PTPRJ: variants seen among roughly 807,000 people sequenced by gnomAD.
The protein encoded by PTPRJ is protein tyrosine phosphatase receptor type J, also known as receptor-type tyrosine-protein phosphatase eta.
Under a neutral mutation model 141.3 loss-of-function variants are expected in PTPRJ, and 129 were observed. The ratio of observed to expected loss-of-function variants is 0.91; its 90% CI spans 0.79 to 1.06. The LOEUF (loss-of-function observed/expected upper bound fraction) is 1.06. Ranked by LOEUF, PTPRJ falls within the 50% of genes least tolerant of loss-of-function variation. The pLI is 0.00. For synonymous variants in PTPRJ, 610 were observed against 640.5 expected (o/e 0.95, Z 0.72); for missense variants, 1,601 against 1,679.7 (o/e 0.95, Z 0.82).
At position 48,033,067 on chromosome 11, in the gene PTPRJ, A is replaced by C. The variant is rs577288022; in HGVS notation, c.96+52059A>C. 6.6e-5 allele frequency among the ~76,000 whole-genome samples: 10 copies of C among 152,184 alleles called. No individual in the cohort carries two copies. In the East Asian group the frequency reaches 1.5e-3, roughly 24 times the overall value. On this transcript the variant is annotated intron_variant, in intron 1 of 24. Coordinates refer to ENST00000418331, the MANE Select transcript of PTPRJ (RefSeq NM_002843.4). ...ACTCCGTCTCTATTAAAAAAAAAAA[A>C]ACAAGTCTAACATCAGGTAGACTTC...
chr11:48,127,909 A>T lies in PTPRJ; in HGVS notation c.1223A>T (p.Asp408Val). Residue 408 changes from aspartate to valine, a missense_variant, in exon 7 of 25, where the codon GAT becomes GTT. Transcript: ENST00000418331. ...TYKIHVAGET[D>V]SSNLNVSEPR... Reference sequence around the variant, plus strand: ...AAGATACATGTGGCGGGGGAGACAGATTCTTCCAATCTCAACGTCAGTGAG... The same window carrying T: ...AAGATACATGTGGCGGGGGAGACAGTTTCTTCCAATCTCAACGTCAGTGAG... 6.2e-7 allele frequency: 1 copy of T among 1,614,192 alleles called. No individual in the cohort carries two copies.
At position 48,123,776 on chromosome 11, in the gene PTPRJ, G is replaced by T. The variant is rs542341972; in HGVS notation, c.780G>T (p.Ser260=). ...ACTCAAGACTTCAGGTCAATATCTC[G>T]GGCCTGAAGCCAGGGGTTCAATACA... The part of the protein sequence containing the change: ...TQDSRLQVNI[S]GLKPGVQYNI... Residue 260 remains serine (S), a synonymous_variant, in exon 5 of 25, where the codon TCG becomes TCT. Transcript: ENST00000418331. 2 of 1,613,930 alleles carry T rather than the reference G, an allele frequency of 1.2e-6. No homozygotes were observed. Among genetic ancestry groups the T allele is most frequent in the African/African-American group, 1.3e-5 (1 of 74,880 alleles).
intron 1 of PTPRJ, 77 bp from the exon 2 acceptor site, chr11:48,109,981 T>G (rs1350174636): frequency 2.1e-5 from 32 of 1,542,032 alleles, no homozygotes; most frequent in South Asian, 1.0e-4. Context: ...TATTAAATCC[T>G]CAACTGCTTT....
chr11:48,036,309 C>T (rs1037919058), intron 1 of PTPRJ, among the ~76,000 whole-genome samples: 5 of 152,216 alleles, frequency 3.3e-5, no homozygotes, highest in South Asian at 2.1e-4. Context: ...CAGGCCCTCT[C>T]GGGTTGCATG....
intron 1 of PTPRJ, among the ~76,000 whole-genome samples, chr11:47,996,334 CAAAAAAAA>C (rs1292092161): frequency 1.8e-5 from 1 of 56,214 alleles, no homozygotes; most frequent in Non-Finnish European, 3.7e-5. Flanking sequence ...GACTCTGTCT[CAAAAAAAA>C]AAAAAAAAAA....
chr11:48,055,944 A>G (rs1435663741), intron 1 of PTPRJ, among the ~76,000 whole-genome samples: 1 of 152,212 alleles, frequency 6.6e-6, no homozygotes, highest in Non-Finnish European at 1.5e-5. Flanking sequence ...GCTGGCATGC[A>G]TAGGTCAATA....
intron 21 of PTPRJ, 140 bp downstream of exon 21, chr11:48,156,259 C>CT (rs1857597012): frequency 7.2e-6 from 5 of 697,654 alleles, no homozygotes; most frequent in East Asian, 5.9e-5. Context: ...TGTTTTCTGT[C>CT]TTTTTTTCCC....
chr11:48,149,935 A>T lies in PTPRJ; in HGVS notation c.3042-55A>T, dbSNP rs940398122. On this transcript the variant is annotated intron_variant, in intron 16 of 24. Coordinates refer to ENST00000418331, the MANE Select transcript of PTPRJ (RefSeq NM_002843.4). Reference sequence around the variant, plus strand: ...GAAGATTGTTTACTGTCATTTCTAGAGTATGAATGAGTCTTTCTAATTGCA... The same window carrying T: ...GAAGATTGTTTACTGTCATTTCTAGTGTATGAATGAGTCTTTCTAATTGCA... The T allele has an allele frequency of 3.8e-6, 5 of 1,312,178 alleles. No individual in the cohort carries two copies. In the African/African-American group the frequency reaches 7.5e-5, roughly 20 times the overall value. The allele number at this position is 1,312,178 out of a possible 1,614,324, so 81.3% of individuals were successfully genotyped here.
At chr11:48,082,994 C>T (rs969616525) in intron 1 of PTPRJ, among the ~76,000 whole-genome samples, 1 of 152,044 alleles carries the variant, frequency 6.6e-6, no homozygotes, top group Non-Finnish European at 1.5e-5. Flanking sequence ...GGGGTGGAGG[C>T]CCTAAGTGAG....
intron 11 of PTPRJ, 113 bp downstream of exon 11, chr11:48,139,889 C>A (rs1857193427): frequency 8.8e-7 from 1 of 1,134,502 alleles, no homozygotes; most frequent in Non-Finnish European, 1.2e-6. Context: ...TTTTTATTTC[C>A]CCTAAAATAT....
At chr11:47,989,468 CTTAGGA>C (rs1854135265) in intron 1 of PTPRJ, among the ~76,000 whole-genome samples, 1 of 151,482 alleles carries the variant, frequency 6.6e-6, no homozygotes, top group Non-Finnish European at 1.5e-5. Context: ...GGACTTGTTC[CTTAGGA>C]ACCATGTTGG....
rs1206168498 is a variant in PTPRJ at position 48,089,527 on chromosome 11, A to C, written c.97-20531A>C. ...CGAGACTCCATCTCAAAAAAAAAAAAAAAAACAAAAAAAACCCACACACAA... is the reference window on the plus strand; with the variant it reads ...CGAGACTCCATCTCAAAAAAAAAAACAAAAACAAAAAAAACCCACACACAA... On this transcript the variant is annotated intron_variant, in intron 1 of 24. Coordinates refer to ENST00000418331, the MANE Select transcript of PTPRJ (RefSeq NM_002843.4). Among the ~76,000 whole-genome samples, 4 of 151,816 alleles carry C rather than the reference A, an allele frequency of 2.6e-5. No individual in the cohort carries two copies. The South Asian group carries it at 6.2e-4, about 24-fold the overall frequency.
intron 1 of PTPRJ, among the ~76,000 whole-genome samples, chr11:47,987,246 G>T (rs1052967672): frequency 6.6e-6 from 1 of 152,012 alleles, no homozygotes; most frequent in South Asian, 2.1e-4. Flanking sequence ...ATTTTAGGGG[G>T]TCTTAGTAAA....
chr11:47,990,645 C>CA (rs1295826477), intron 1 of PTPRJ, among the ~76,000 whole-genome samples: 4 of 150,334 alleles, frequency 2.7e-5, no homozygotes, highest in Non-Finnish European at 5.9e-5. Flanking sequence ...CTGCTGACCT[C>CA]AAGTGATCTG....
chr11:48,145,440 G>C (rs1414767430), intron 14 of PTPRJ, among the ~76,000 whole-genome samples: 2 of 151,994 alleles, frequency 1.3e-5, no homozygotes, highest in African/African-American at 4.8e-5. Flanking sequence ...TTGACACATT[G>C]CATTGAATCC....
At chr11:47,988,496 C>T (rs1425452154) in intron 1 of PTPRJ, among the ~76,000 whole-genome samples, 2 of 152,042 alleles carry the variant, frequency 1.3e-5, no homozygotes, top group African/African-American at 4.8e-5. Context: ...CAGGTGTGAG[C>T]CACCATGCCT....
At chr11:48,163,388 T>C in intron 22 of PTPRJ, 70 bp from the exon 23 acceptor site, 1 of 1,487,496 alleles carries the variant, frequency 6.7e-7, no homozygotes, top group Non-Finnish European at 9.3e-7. Context: ...CTCTGCTTGA[T>C]TTCCCCTGCC....
At chr11:48,052,327 C>G (rs1226469577) in intron 1 of PTPRJ, among the ~76,000 whole-genome samples, 1 of 152,170 alleles carries the variant, frequency 6.6e-6, no homozygotes, top group Admixed American at 6.5e-5. Context: ...AAGTGTGGTT[C>G]CCTTGCAGCA....
chr11:48,125,546 A>C (rs901350595), intron 6 of PTPRJ, among the ~76,000 whole-genome samples: 1 of 152,228 alleles, frequency 6.6e-6, no homozygotes, highest in African/African-American at 2.4e-5. Flanking sequence ...TGAGTTAAGA[A>C]AGTTATGAAA....
Sources: allele counts gnomAD v4.1 joint callset (sites outside exome capture counted in the v4.1 genomes callset), GRCh38; gene constraint gnomAD v4.1.1; transcripts MANE v1.5; gene names NCBI Gene and HGNC (gene_info 2026-07-23, HGNC 2026-07-21).